Variants in TNK2 observed in about 807,000 individuals in gnomAD.
TNK2 encodes the protein tyrosine kinase non receptor 2.
In TNK2, 83 loss-of-function variants were observed where a neutral mutation model predicts 101.8. That is an observed-to-expected ratio of 0.82 (90% confidence interval 0.68 to 0.98). The LOEUF (loss-of-function observed/expected upper bound fraction) is 0.98. Among genes scored for constraint, TNK2 ranks in the 50% least tolerant of loss-of-function variants. The probability of loss-of-function intolerance (pLI) is 0.00; values close to 1 mark genes in which losing one functional copy is unlikely to be tolerated. For missense variants in TNK2, 1,665 were observed against 1,483.2 expected (o/e 1.12, Z -2.01); for synonymous variants, 804 against 633.0 (o/e 1.27, Z -4.06).
At position 195,868,250 on chromosome 3, in the gene TNK2, G is replaced by A. The variant is rs777741134; in HGVS notation, c.2048C>T (p.Thr683Ile). The A allele has an allele frequency of 1.9e-6, 3 of 1,605,156 alleles. No individual in the cohort carries two copies. In the South Asian group the frequency reaches 3.3e-5, roughly 18 times the overall value. The stretch of plus-strand genomic sequence containing the variant: ...CTGCTCAGGCACAAAGGCGTAGTTG[G>A]TCTGGCCCTGGCTGGGCCCGGCAGG... ...GVPAGPSQGQ[T>I]NYAFVPEQAR... The change falls in exon 13 of 16, where the codon ACC becomes ATC. Residue 683 changes from threonine to isoleucine, a missense_variant. Transcript: ENST00000672887.
chr3:195,882,188 G>A lies in TNK2; in HGVS notation c.750C>T (p.His250=). 6.2e-7 allele frequency: 1 copy of A among 1,613,910 alleles called. No homozygotes were observed. The highest frequency in any genetic ancestry group is 8.5e-7 in the Non-Finnish European group (1 of 1,180,022). Residue 250 remains histidine, a synonymous_variant, in exon 6 of 16, where the codon CAC becomes CAT. Transcript: ENST00000672887. The surrounding 1 kb of genome is among the most constrained non-coding windows in gnomAD (Gnocchi z 4.2). ...MGYLESKRFI[H]RDLAARNLLL... ...GCAGATTGCGGGCAGCCAGGTCACG[G>A]TGAATAAAGCGCTTGGACTCCAGGT...
In TNK2 at chr3:195,879,037, C is replaced by T. The variant is rs201163430; in HGVS notation, c.1014+12G>A. On this transcript the variant is annotated intron_variant, in intron 7 of 15. Transcript: ENST00000672887. Reference sequence around the variant, plus strand: ...CCACCAGCCCTATGGGGGCCCGTCTCCCAGCCCTCACCTGACTGCCGTTGA... The same window carrying T: ...CCACCAGCCCTATGGGGGCCCGTCTTCCAGCCCTCACCTGACTGCCGTTGA... 2.2e-4 allele frequency: 352 copies of T among 1,612,658 alleles called. No homozygotes were observed. The African/African-American group carries it at 4.2e-3, about 19-fold the overall frequency.
chr3:195,876,183 G>C (rs1749139430), intron 9 of TNK2, among the ~76,000 whole-genome samples: 1 of 152,196 alleles, frequency 6.6e-6, no homozygotes, highest in South Asian at 2.1e-4. Flanking sequence ...CCCTGGGAAA[G>C]ACCAGTCATC....
rs377360010 is a variant in TNK2 at position 195,868,002 on chromosome 3, G to T, written c.2296C>A (p.Arg766Ser). The T allele has an allele frequency of 5.7e-6, 9 of 1,568,388 alleles. No individual in the cohort carries two copies. The highest frequency in any genetic ancestry group is 6.9e-6 in the Non-Finnish European group (8 of 1,165,592). The change falls in exon 13 of 16, where the codon CGC (arginine) becomes AGC (serine). Residue 766 changes from arginine to serine, a missense_variant. Physicochemically the swap from Arg to Ser is moderately radical, Grantham distance 110. This residue lies in a region of TNK2 where 1,136 missense variants were observed against 894.9 expected (regional missense o/e 1.27). Coordinates refer to ENST00000672887, the MANE Select transcript of TNK2 (RefSeq NM_001382273.1). ...PRVPIPPRPT[R>S]PHVQLSPAPP... ...GCTGGAGACAGCTGGACGTGTGGGC[G>T]CGTGGGCCGAGGGGGGATGGGTACC...
intron 9 of TNK2, chr3:195,876,455 C>T (rs967496093): frequency 3.9e-5 from 18 of 456,692 alleles, no homozygotes; most frequent in African/African-American, 1.2e-4. Context: ...CAGAGCCATC[C>T]GCCTGGAGAC....
At chr3:195,880,316 TC>T (rs1386651612) in intron 6 of TNK2, among the ~76,000 whole-genome samples, 3 of 152,120 alleles carry the variant, frequency 2.0e-5, no homozygotes, top group African/African-American at 7.2e-5. Flanking sequence ...AACGAGTCTT[TC>T]CCTGGCGAAC....
rs1190784644 is a variant in TNK2 at position 195,883,191 on chromosome 3, A to G, written c.575T>C (p.Leu192Pro). 1 of 1,609,022 alleles carries G rather than the reference A, an allele frequency of 6.2e-7. No homozygotes were observed. The highest frequency in any genetic ancestry group is 8.5e-7 in the Non-Finnish European group (1 of 1,179,888). ...HSLDHRNLIR[L>P]YGVVLTPPMK... Reference sequence around the variant, plus strand: ...GGGCGGCGTGAGCACCACCCCGTAGAGGCGGATGAGGTTTCGGTGGTCGAG... The same window carrying G: ...GGGCGGCGTGAGCACCACCCCGTAGGGGCGGATGAGGTTTCGGTGGTCGAG... Residue 192 changes from leucine (L) to proline (P), a missense_variant, in exon 5 of 16, where the codon CTC becomes CCC. Transcript: ENST00000672887.
rs974609116 is a variant in TNK2 at position 195,863,423 on chromosome 3, C to G, written c.*758G>C. ...AAGAAGCAGGTACTGAATGCCGGAG[C>G]AGCAACTTCGCCAACAGGCTGGTGG... On this transcript the variant is annotated 3_prime_UTR_variant, in exon 16 of 16. Coordinates refer to ENST00000672887, the MANE Select transcript of TNK2 (RefSeq NM_001382273.1). 3 of 152,810 alleles carry G rather than the reference C, an allele frequency of 2.0e-5. No homozygotes were observed. Among genetic ancestry groups the G allele is most frequent in the Non-Finnish European group, 4.4e-5 (3 of 68,100 alleles). The allele number at this position is 152,810 out of a possible 1,614,324, so 9.5% of individuals were successfully genotyped here. A position where few individuals can be genotyped will look rare whatever the true frequency, so the allele number is the denominator to read the frequency against.
chr3:195,903,058 C>T (rs1363516728), intron 1 of TNK2, among the ~76,000 whole-genome samples: 6 of 148,792 alleles, frequency 4.0e-5, no homozygotes, highest in Non-Finnish European at 3.0e-5. Context: ...CCAGCTAACA[C>T]CACTTTTTTT....
chr3:195,863,851 T>G lies in TNK2; in HGVS notation c.*330A>C, dbSNP rs953225662. On this transcript the variant is annotated 3_prime_UTR_variant, in exon 16 of 16. Transcript: ENST00000672887. Reference sequence around the variant, plus strand: ...CCAGGGCAGGGCCTGGGGGTACTACTCCACCCACAGGCCCCGCCCAGGACC... The same window carrying G: ...CCAGGGCAGGGCCTGGGGGTACTACGCCACCCACAGGCCCCGCCCAGGACC... 7.7e-5 allele frequency: 27 copies of G among 349,908 alleles called. 1 individual carries two copies. Among genetic ancestry groups the G allele is most frequent in the African/African-American group, 5.2e-4 (25 of 48,416 alleles). The allele number at this position is 349,908 out of a possible 1,614,324, so 21.7% of individuals were successfully genotyped here.
chr3:195,884,279 T>A (rs1754604410), intron 4 of TNK2: 1 of 152,258 alleles, frequency 6.6e-6, no homozygotes, highest in East Asian at 1.9e-4. Context: ...TTTTTTCTTG[T>A]TTTTCAAATA....
chr3:195,891,110 G>A (rs957624379), intron 1 of TNK2, among the ~76,000 whole-genome samples: 6 of 152,104 alleles, frequency 3.9e-5, no homozygotes, highest in Non-Finnish European at 7.4e-5. Flanking sequence ...CTTTATTTAA[G>A]ACAAGTAACA....
rs890383249 is a variant in TNK2, at chr3:195,908,515, C to G, written c.-49G>C. ...GCCTTCCGCTGCCTCCCCGCAGACA[C>G]AGCTTCAGCGACGCCCAGGCTGAGA... On this transcript the variant is annotated 5_prime_UTR_variant, in exon 1 of 16. Coordinates refer to ENST00000672887, the MANE Select transcript of TNK2 (RefSeq NM_001382273.1). 2.0e-5 allele frequency: 3 copies of G among 152,744 alleles called. No homozygotes were observed. The highest frequency in any genetic ancestry group is 7.2e-5 in the African/African-American group (3 of 41,460). The allele number at this position is 152,744 out of a possible 1,614,324, so 9.5% of individuals were successfully genotyped here.
rs751934727 is a variant in TNK2 at position 195,863,839 on chromosome 3, TG to T, written c.*341del. ...CCAGTCTGTCACCCAGGGCAGGGCCTGGGGGTACTACTCCACCCACAGGCCC... is the reference window on the plus strand; with the variant it reads ...CCAGTCTGTCACCCAGGGCAGGGCCTGGGGTACTACTCCACCCACAGGCCC... On this transcript the variant is annotated 3_prime_UTR_variant, in exon 16 of 16. Transcript: ENST00000672887. 16 of 305,228 alleles carry T rather than the reference TG, an allele frequency of 5.2e-5. No individual in the cohort carries two copies. Among genetic ancestry groups the T allele is most frequent in the East Asian group, 4.4e-4 (8 of 18,386 alleles). 18.9% of individuals were successfully genotyped at this position (305,228 alleles called of 1,614,324 possible).
chr3:195,866,839 G>A (rs780010846), intron 15 of TNK2, 50 bp downstream of exon 15: 115 of 1,587,284 alleles, frequency 7.2e-5, no homozygotes, highest in Non-Finnish European at 9.6e-5. Context: ...GCAGGCTCTG[G>A]GACAGCCCTC....
intron 1 of TNK2, among the ~76,000 whole-genome samples, chr3:195,893,651 C>T (rs552938322): frequency 1.3e-5 from 2 of 152,194 alleles, no homozygotes; most frequent in South Asian, 2.1e-4. Context: ...CCCCTCGCTA[C>T]GGCCCCCAGA....
At chr3:195,869,219 G>A (rs1431621848) in intron 12 of TNK2, 31 of 588,032 alleles carry the variant, frequency 5.3e-5, no homozygotes, top group Non-Finnish European at 7.6e-5. Context: ...CAAGGCAGAA[G>A]CCAGGGCCAC....
chr3:195,892,555 A>G, intron 1 of TNK2: 5 of 1,517,808 alleles, frequency 3.3e-6, no homozygotes, highest in South Asian at 2.5e-5. Context: ...GGAGCTTCGC[A>G]CTCTGCCCAG....
At chr3:195,887,084 C>T (rs1244393849) in intron 2 of TNK2, 37 bp from the exon 3 acceptor site, 9 of 1,608,134 alleles carry the variant, frequency 5.6e-6, no homozygotes, top group Admixed American at 3.4e-5. Flanking sequence ...CTGTGAAGGC[C>T]GCCGTAGCCC....
Sources: allele counts gnomAD v4.1 joint callset (sites outside exome capture counted in the v4.1 genomes callset), GRCh38; gene constraint gnomAD v4.1.1; regional missense constraint gnomAD v4.1.1; non-coding constraint Gnocchi (gnomAD v3.1); transcripts MANE v1.5; gene names NCBI Gene and HGNC (gene_info 2026-07-23, HGNC 2026-07-21).